The following SYNE2 variants were observed in gnomAD, a reference collection of about 807,000 sequenced individuals.
The protein encoded by SYNE2 is nesprin-2.
Under a neutral mutation model 856.3 loss-of-function variants are expected in SYNE2, and 431 were observed. That is an observed-to-expected ratio of 0.50 (90% CI 0.47 to 0.55). The LOEUF (loss-of-function observed/expected upper bound fraction) is 0.55, where lower values mean the gene tolerates loss of function less well. Ranked by LOEUF, SYNE2 falls within the 20% of genes least tolerant of loss-of-function variation. SYNE2 has a pLI of 0.00. For synonymous variants in SYNE2, 2,923 were observed against 2,872.3 expected (o/e 1.02, Z -0.56); for missense variants, 8,129 against 8,023.2 (o/e 1.01, Z -0.50).
At chr14:63,867,478 A>G (rs1895696316) in intron 1 of SYNE2, among the ~76,000 whole-genome samples, 2 of 151,434 alleles carry the variant, frequency 1.3e-5, no homozygotes, top group South Asian at 4.2e-4. Context: ...CAGCTGGATC[A>G]CCTGAGGTCA....
intron 1 of SYNE2, among the ~76,000 whole-genome samples, chr14:63,812,450 A>G (rs1234506376): frequency 1.3e-5 from 2 of 152,170 alleles, no homozygotes; most frequent in Non-Finnish European, 1.5e-5. Flanking sequence ...TTTACAATCA[A>G]TTTTTACAGT....
intron 1 of SYNE2, among the ~76,000 whole-genome samples, chr14:63,807,819 T>TCATATATA (rs1888423337): frequency 3.9e-5 from 1 of 25,466 alleles, no homozygotes; most frequent in African/African-American, 9.6e-5. Context: ...TACTCCAGGC[T>TCATATATA]TATATATATA....
At chr14:64,081,340 G>A in intron 56 of SYNE2, 103 bp from the exon 57 acceptor site, 6 of 1,453,750 alleles carry the variant, frequency 4.1e-6, no homozygotes, top group Non-Finnish European at 5.8e-6. Context: ...CATCTGCAAG[G>A]CCTGACACAC....
At chr14:63,879,619 G>A (rs372241211) in intron 1 of SYNE2, among the ~76,000 whole-genome samples, 30 of 152,340 alleles carry the variant, frequency 2.0e-4, no homozygotes, top group African/African-American at 6.7e-4. Context: ...GTGGTAATAT[G>A]TAACTTTAGT....
At chr14:64,220,730 G>A (rs2098690454) in intron 111 of SYNE2, 93 bp downstream of exon 111, 61 of 1,424,016 alleles carry the variant, frequency 4.3e-5, no homozygotes, top group Admixed American at 3.6e-4. Flanking sequence ...GGCTGCTTCC[G>A]TGCAGCCAAA....
In SYNE2 at chr14:63,961,599, G is replaced by A. The variant is rs752296322; in HGVS notation, c.862G>A (p.Ala288Thr). Residue 288 changes from alanine (A) to threonine (T), a missense_variant, in exon 9 of 116, where the codon GCC becomes ACC. Transcript: ENST00000555002. Reference sequence around the variant, plus strand: ...ACAGTTTCTGCAGTATTCCAAAGATGCCCCTGGGACTGGAGAGGAGGCTCA... The same window carrying A: ...ACAGTTTCTGCAGTATTCCAAAGATACCCCTGGGACTGGAGAGGAGGCTCA... ...VAQFLQYSKDAPGTGEEAQGK... is the reference protein window; with the variant it reads ...VAQFLQYSKDTPGTGEEAQGK... 1.7e-5 allele frequency: 28 copies of A among 1,613,832 alleles called. No individual in the cohort carries two copies. The East Asian group carries it at 6.0e-4, about 35-fold the overall frequency.
At chr14:64,071,760 T>C (rs1309115937) in intron 52 of SYNE2, among the ~76,000 whole-genome samples, 4 of 152,216 alleles carry the variant, frequency 2.6e-5, no homozygotes, top group Non-Finnish European at 5.9e-5. Context: ...CTCACGCCTG[T>C]AATCCCAGCA....
intron 100 of SYNE2, chr14:64,207,987 T>G (rs1314058701): frequency 2.2e-6 from 1 of 455,978 alleles, no homozygotes; most frequent in Non-Finnish European, 4.4e-6. Context: ...AGAAATATTA[T>G]CTGATGATGA....
chr14:63,871,814 A>G (rs938017992), intron 1 of SYNE2, among the ~76,000 whole-genome samples: 1 of 152,048 alleles, frequency 6.6e-6, no homozygotes, highest in African/African-American at 2.4e-5. Context: ...ATATCTATAT[A>G]TAGATATTGT....
intron 9 of SYNE2, 35 bp from the exon 10 acceptor site, chr14:63,963,864 A>C (rs775267456): frequency 6.6e-7 from 1 of 1,518,732 alleles, no homozygotes. Flanking sequence ...AAGCCCGTTT[A>C]AAATATAGTT....
chr14:63,860,543 G>T (rs1001322359), intron 1 of SYNE2, among the ~76,000 whole-genome samples: 1 of 152,178 alleles, frequency 6.6e-6, no homozygotes, highest in Admixed American at 6.5e-5. Flanking sequence ...TTGCTTGTCA[G>T]TGTCCATATT....
chr14:63,784,634 A>G (rs974946305), intron 1 of SYNE2, among the ~76,000 whole-genome samples: 3 of 152,006 alleles, frequency 2.0e-5, no homozygotes, highest in African/African-American at 7.2e-5. Flanking sequence ...TGCTGGGATT[A>G]CAGGAATGAG....
chr14:63,886,397 A>G (rs868074993), intron 1 of SYNE2, among the ~76,000 whole-genome samples: 2 of 152,140 alleles, frequency 1.3e-5, no homozygotes, highest in Non-Finnish European at 2.9e-5. Flanking sequence ...GGTGAAATGC[A>G]TGCTTTGTTG....
chr14:63,952,869 G>T (rs1449336827), intron 7 of SYNE2, among the ~76,000 whole-genome samples: 1 of 152,124 alleles, frequency 6.6e-6, no homozygotes, highest in Non-Finnish European at 1.5e-5. Flanking sequence ...CCTTAAAATA[G>T]TCTCTTGAAT....
intron 7 of SYNE2, among the ~76,000 whole-genome samples, chr14:63,951,176 A>G (rs2096151846): frequency 6.6e-6 from 1 of 152,180 alleles, no homozygotes; most frequent in African/African-American, 2.4e-5. Context: ...TTCTTGTCAC[A>G]TCATAGCATT....
chr14:63,908,311 T>A (rs188349289), intron 1 of SYNE2, among the ~76,000 whole-genome samples: 3 of 152,332 alleles, frequency 2.0e-5, no homozygotes, highest in Admixed American at 2.0e-4. Flanking sequence ...CATCCCTATG[T>A]ACACCCCCAA....
intron 100 of SYNE2, among the ~76,000 whole-genome samples, chr14:64,206,883 T>C (rs1249642224): frequency 2.0e-5 from 3 of 152,200 alleles, no homozygotes; most frequent in Non-Finnish European, 4.4e-5. Flanking sequence ...ATTATTTTAG[T>C]ATTTACATGG....
intron 66 of SYNE2, among the ~76,000 whole-genome samples, chr14:64,117,943 A>G (rs1225510669): frequency 2.6e-5 from 4 of 152,306 alleles, no homozygotes; most frequent in Admixed American, 1.3e-4. Flanking sequence ...TTTAAAATGT[A>G]TGAATTATTT....
intron 94 of SYNE2, 35 bp from the exon 95 acceptor site, chr14:64,174,909 A>T: frequency 1.3e-6 from 2 of 1,599,524 alleles, no homozygotes; most frequent in Non-Finnish European, 1.7e-6. Flanking sequence ...AACACATCAG[A>T]AACCTAAGCA....
Sources: allele counts gnomAD v4.1 joint callset (sites outside exome capture counted in the v4.1 genomes callset), GRCh38; gene constraint gnomAD v4.1.1; transcripts MANE v1.5; gene names NCBI Gene and HGNC (gene_info 2026-07-23, HGNC 2026-07-21).